Variants in LINGO2 observed in about 807,000 individuals in gnomAD.
The protein encoded by LINGO2 is leucine-rich repeat and immunoglobulin-like domain-containing nogo receptor-interacting protein 2.
A neutral mutation model predicts 30.6 loss-of-function variants in LINGO2; 14 were observed. The ratio of observed to expected loss-of-function variants is 0.46; its 90% CI spans 0.30 to 0.72. LINGO2 has a LOEUF of 0.72. LINGO2 is among the 30% of genes least tolerant of loss of function. The probability of loss-of-function intolerance (pLI) is 0.07; values close to 1 mark genes in which losing one functional copy is unlikely to be tolerated. For missense variants in LINGO2, 729 were observed against 751.7 expected, an observed-to-expected ratio of 0.97 and a Z score of 0.35; for synonymous variants, 317 against 288.5, an observed-to-expected ratio of 1.10 and a Z score of -1.00.
intron 1 of LINGO2, among the ~76,000 whole-genome samples, chr9:28,667,894 C>T (rs1004377679): frequency 3.9e-5 from 6 of 152,198 alleles, no homozygotes; most frequent in African/African-American, 1.4e-4. Flanking sequence ...ATACACACTG[C>T]TGACCTATTT....
At chr9:28,770,583 T>A in the LINGO2 span, among the ~76,000 whole-genome samples, 2 of 152,216 alleles carry the variant, frequency 1.3e-5, no homozygotes, top group African/African-American at 4.8e-5. Flanking sequence ...ACTGTAGTAC[T>A]TAGCACATTA....
At chr9:28,083,815 A>G (rs1455686588) in intron 4 of LINGO2, among the ~76,000 whole-genome samples, 3 of 152,184 alleles carry the variant, frequency 2.0e-5, no homozygotes. Flanking sequence ...GAGTTTGTTA[A>G]CTATAGTAAT....
chr9:28,267,995 G>A (rs1822813743), intron 4 of LINGO2, among the ~76,000 whole-genome samples: 1 of 152,042 alleles, frequency 6.6e-6, no homozygotes, highest in Admixed American at 6.6e-5. Context: ...TTTCTATTAT[G>A]AGAAAGTACT....
the LINGO2 span, among the ~76,000 whole-genome samples, chr9:28,960,583 C>G: frequency 1.9e-5 from 1 of 52,550 alleles, no homozygotes; most frequent in Non-Finnish European, 5.6e-5. Context: ...ATGTTATTAT[C>G]TGTGCTCATT....
At chr9:28,023,374 T>G (rs1226141525) in intron 4 of LINGO2, among the ~76,000 whole-genome samples, 2 of 152,156 alleles carry the variant, frequency 1.3e-5, no homozygotes, top group Non-Finnish European at 2.9e-5. Context: ...ATTAGAGGCT[T>G]CAAATTCCTG....
chr9:29,154,656 G>C, the LINGO2 span, among the ~76,000 whole-genome samples: 1 of 152,126 alleles, frequency 6.6e-6, no homozygotes, highest in African/African-American at 2.4e-5. Context: ...AATCAACTTT[G>C]TTAGTAAATA....
At chr9:28,549,283 G>A (rs888190744) in intron 1 of LINGO2, among the ~76,000 whole-genome samples, 2 of 151,982 alleles carry the variant, frequency 1.3e-5, no homozygotes, top group African/African-American at 4.8e-5. Context: ...ATATTTTTCA[G>A]TTTGAGTCAT....
the LINGO2 span, among the ~76,000 whole-genome samples, chr9:29,166,414 T>A: frequency 6.6e-6 from 1 of 152,076 alleles, no homozygotes; most frequent in Non-Finnish European, 1.5e-5. Context: ...GAAACCATCT[T>A]GGACAGAACA....
At chr9:27,958,139 A>G (rs1819668573) in intron 5 of LINGO2, among the ~76,000 whole-genome samples, 1 of 152,188 alleles carries the variant, frequency 6.6e-6, no homozygotes, top group Non-Finnish European at 1.5e-5. Context: ...TTAGTTAACT[A>G]AGATTTTTTA....
At chr9:28,955,579 G>A in the LINGO2 span, among the ~76,000 whole-genome samples, 25 of 152,184 alleles carry the variant, frequency 1.6e-4, no homozygotes, top group South Asian at 5.0e-3. Flanking sequence ...CCTGGCACTG[G>A]GCATCTTCCA....
chr9:28,928,877 C>T, the LINGO2 span, among the ~76,000 whole-genome samples: 1 of 152,142 alleles, frequency 6.6e-6, no homozygotes, highest in African/African-American at 2.4e-5. Flanking sequence ...AGCTTCTGCA[C>T]TCCTGCCCAG....
At chr9:28,561,747 G>GTGTGTGTA (rs1554637711) in intron 1 of LINGO2, among the ~76,000 whole-genome samples, 4 of 35,850 alleles carry the variant, frequency 1.1e-4, no homozygotes, top group African/African-American at 5.4e-4. Flanking sequence ...GTGTGTGTGT[G>GTGTGTGTA]TGTATATATA....
intron 4 of LINGO2, among the ~76,000 whole-genome samples, chr9:28,095,298 C>T (rs963441048): frequency 2.0e-5 from 3 of 152,104 alleles, no homozygotes; most frequent in African/African-American, 7.2e-5. Context: ...ATCCCAACTA[C>T]TCAGTCAGCA....
chr9:29,110,845 C>T, the LINGO2 span, among the ~76,000 whole-genome samples: 1 of 151,930 alleles, frequency 6.6e-6, no homozygotes, highest in Admixed American at 6.6e-5. Context: ...CGCTCGCCAC[C>T]ACGCCCAGCT....
chr9:28,758,763 G>A, the LINGO2 span, among the ~76,000 whole-genome samples: 3 of 151,846 alleles, frequency 2.0e-5, no homozygotes, highest in Non-Finnish European at 2.9e-5. Context: ...GTATTTATTC[G>A]CCATCCCAGA....
the LINGO2 span, among the ~76,000 whole-genome samples, chr9:28,930,790 C>A: frequency 1.3e-5 from 2 of 152,132 alleles, no homozygotes; most frequent in African/African-American, 2.4e-5. This position sits in a 1 kb window ranked among gnomAD's most constrained non-coding sequence, Gnocchi z 4.2. Context: ...GCTTCACAGT[C>A]CGGATTTAAG....
chr9:28,546,215 T>C (rs111846470), intron 1 of LINGO2, among the ~76,000 whole-genome samples: 74 of 151,990 alleles, frequency 4.9e-4, no homozygotes, highest in African/African-American at 1.7e-3. Context: ...AGTGTAGGGG[T>C]AGACAGACAG....
At chr9:28,840,190 G>A in the LINGO2 span, among the ~76,000 whole-genome samples, 1 of 151,834 alleles carries the variant, frequency 6.6e-6, no homozygotes, top group Non-Finnish European at 1.5e-5. Flanking sequence ...CTCCGCGGCT[G>A]TGGCTGCACC....
chr9:28,269,988 G>A (rs1213286116), intron 4 of LINGO2, among the ~76,000 whole-genome samples: 1 of 152,108 alleles, frequency 6.6e-6, no homozygotes, highest in Non-Finnish European at 1.5e-5. Flanking sequence ...AATGTGCAAG[G>A]TGCAATGGAT....
Sources: allele counts gnomAD v4.1 joint callset (sites outside exome capture counted in the v4.1 genomes callset), GRCh38; gene constraint gnomAD v4.1.1; non-coding constraint Gnocchi (gnomAD v3.1); transcripts MANE v1.5; gene names NCBI Gene and HGNC (gene_info 2026-07-23, HGNC 2026-07-21).